AHI1: variants seen among roughly 807,000 people sequenced by gnomAD.
The protein encoded by AHI1 is jouberin.
A neutral mutation model predicts 149.3 loss-of-function variants in AHI1; 123 were observed. The ratio of observed to expected loss-of-function variants is 0.82; its 90% CI spans 0.71 to 0.96. The LOEUF is 0.96. Ranked by LOEUF, AHI1 falls within the 40% of genes least tolerant of loss-of-function variation. The pLI is 0.00. For synonymous variants in AHI1, 475 were observed against 459.8 expected, an observed-to-expected ratio of 1.03 and a Z score of -0.42; for missense variants, 1,439 against 1,422.7, an observed-to-expected ratio of 1.01 and a Z score of -0.18.
intron 24 of AHI1, among the ~76,000 whole-genome samples, chr6:135,356,991 T>C (rs566561486): frequency 1.1e-4 from 17 of 152,320 alleles, no homozygotes; most frequent in African/African-American, 3.8e-4. Context: ...CAGGCTGAAG[T>C]GCAGTGGTGC....
At chr6:135,308,008 T>G (rs114187782) in intron 26 of AHI1, among the ~76,000 whole-genome samples, 1 of 152,048 alleles carries the variant, frequency 6.6e-6, no homozygotes, top group East Asian at 1.9e-4. Flanking sequence ...AATAGAATGG[T>G]TGACAAAACA....
chr6:135,431,147 T>C (rs1334294814), intron 17 of AHI1, 61 bp downstream of exon 17: 7 of 1,125,330 alleles, frequency 6.2e-6, no homozygotes, highest in African/African-American at 3.1e-5. Context: ...CTTAAAGTCA[T>C]GTGATTGGAT....
intron 5 of AHI1, among the ~76,000 whole-genome samples, chr6:135,470,408 G>A (rs182498919): frequency 2.2e-4 from 34 of 152,272 alleles, no homozygotes; most frequent in Admixed American, 8.5e-4. Context: ...ACACTGTGGC[G>A]ATTCCACAAA....
At chr6:135,358,368 T>C (rs1287033781) in intron 23 of AHI1, among the ~76,000 whole-genome samples, 181 bp from the exon 24 acceptor site, 1 of 152,186 alleles carries the variant, frequency 6.6e-6, no homozygotes, top group Non-Finnish European at 1.5e-5. Context: ...TCAGAAACAG[T>C]TGGTCTAAAC....
chr6:135,362,714 A>ATT (rs536402305), intron 23 of AHI1, among the ~76,000 whole-genome samples: 1 of 148,744 alleles, frequency 6.7e-6, no homozygotes, highest in East Asian at 2.0e-4. Flanking sequence ...TTGTGATGGG[A>ATT]TTTTTTTTTT....
rs556725429 is a variant in AHI1, at chr6:135,315,090, T to C, written c.3426+3429A>G. ...TTTGTTCTAACCTAAGAATTAAGTA[T>C]GTCAGCTCTTTGTTCATCAGTTTCC... is the stretch of plus-strand genomic sequence containing the variant. On this transcript the variant is annotated intron_variant, in intron 26 of 28. Coordinates refer to ENST00000265602, the MANE Select transcript of AHI1 (RefSeq NM_001134831.2). Among the ~76,000 whole-genome samples, 8 of 152,328 alleles carry C rather than the reference T, an allele frequency of 5.3e-5. No homozygotes were observed. The South Asian group carries it at 1.7e-3, about 32-fold the overall frequency.
chr6:135,290,396 G>A (rs745631341), intron 28 of AHI1, 27 bp downstream of exon 28: 23 of 1,312,704 alleles, frequency 1.8e-5, no homozygotes, highest in East Asian at 9.2e-5. Context: ...ACAACATAGC[G>A]CAACTTTCTA....
In AHI1 at chr6:135,358,206, G is replaced by GT. The variant is rs967667835; in HGVS notation, c.3110-20dup. ...ATAATCCCTGTGGAAAGAAAACATT[G>GT]TGAGTATTTGGTTATTAAGCCTGTC... On this transcript the variant is annotated intron_variant, in intron 23 of 28. Coordinates refer to ENST00000265602, the MANE Select transcript of AHI1 (RefSeq NM_001134831.2). 2.5e-6 allele frequency: 4 copies of GT among 1,581,396 alleles called. No individual in the cohort carries two copies. In the African/African-American group the frequency reaches 7.3e-5, roughly 29 times the overall value.
chr6:135,350,864 C>CT (rs1457969118), intron 24 of AHI1, among the ~76,000 whole-genome samples: 1 of 152,006 alleles, frequency 6.6e-6, no homozygotes, highest in East Asian at 1.9e-4. Flanking sequence ...ATGCAAAGCC[C>CT]TATAGGCCCT....
At chr6:135,364,436 C>T (rs552613084) in intron 23 of AHI1, among the ~76,000 whole-genome samples, 3 of 151,162 alleles carry the variant, frequency 2.0e-5, no homozygotes, top group East Asian at 2.0e-4. Flanking sequence ...GGGCTCCTCA[C>T]ATCCCAGACG....
intron 20 of AHI1, among the ~76,000 whole-genome samples, chr6:135,414,998 G>A (rs1782153137): frequency 8.2e-6 from 1 of 122,066 alleles, no homozygotes; most frequent in Admixed American, 1.1e-4. Context: ...AGAGTGTGAT[G>A]TTCCCCTTCC....
intron 23 of AHI1, among the ~76,000 whole-genome samples, chr6:135,369,340 A>T (rs1047484396): frequency 1.3e-5 from 2 of 152,166 alleles, no homozygotes; most frequent in Non-Finnish European, 2.9e-5. Flanking sequence ...TTCTGGTAGT[A>T]GTTCTTGGAG....
At chr6:135,373,021 G>T (rs1326304545) in intron 23 of AHI1, among the ~76,000 whole-genome samples, 2 of 152,170 alleles carry the variant, frequency 1.3e-5, no homozygotes, top group African/African-American at 4.8e-5. Context: ...AGATTCATAT[G>T]CTACAATGCA....
At chr6:135,451,895 T>C (rs1216460320) in intron 11 of AHI1, among the ~76,000 whole-genome samples, 3 of 151,962 alleles carry the variant, frequency 2.0e-5, no homozygotes, top group African/African-American at 7.3e-5. Context: ...TGGAAGGTGT[T>C]ATGGAAAAAG....
At chr6:135,363,647 T>C (rs1195766297) in intron 23 of AHI1, among the ~76,000 whole-genome samples, 457 of 121,682 alleles carry the variant, frequency 3.8e-3, no homozygotes, top group Middle Eastern at 0.036. Flanking sequence ...GCCCCTCACC[T>C]CCCGGACGGG....
chr6:135,386,239 ACATTTTTGGT>A, intron 23 of AHI1, among the ~76,000 whole-genome samples: 1 of 151,946 alleles, frequency 6.6e-6, no homozygotes, highest in East Asian at 1.9e-4. Context: ...TTGTAACAAA[ACATTTTTGGT>A]AAAAAAAAAA....
intron 20 of AHI1, among the ~76,000 whole-genome samples, chr6:135,418,022 TA>T: frequency 7.7e-5 from 1 of 12,956 alleles, no homozygotes; most frequent in East Asian, 2.9e-3. Context: ...ATTTTGCAAT[TA>T]AATAACTCTT....
intron 5 of AHI1, 107 bp from the exon 6 acceptor site, chr6:135,467,741 GTTT>G (rs1318032033): frequency 1.4e-6 from 1 of 738,162 alleles, no homozygotes; most frequent in Non-Finnish European, 2.1e-6. Context: ...AAATTATTTA[GTTT>G]TTTTACCTGG....
At chr6:135,390,324 T>C (rs1276237827) in intron 23 of AHI1, among the ~76,000 whole-genome samples, 2 of 152,212 alleles carry the variant, frequency 1.3e-5, no homozygotes, top group African/African-American at 4.8e-5. Flanking sequence ...AAGAAAGATG[T>C]AAGTTCATTA....
Sources: gnomAD v4.1 joint callset for allele counts (sites outside exome capture counted in the v4.1 genomes callset) on GRCh38, gnomAD v4.1.1 for gene constraint, MANE v1.5 for transcripts, NCBI Gene and HGNC (gene_info 2026-07-23, HGNC 2026-07-21) for gene names.